Variants in VKORC1L1 observed in about 807,000 individuals in gnomAD.
The protein encoded by VKORC1L1 is vitamin K epoxide reductase complex subunit 1-like protein 1.
VKORC1L1 carries 2 observed loss-of-function variants against 18.9 expected under a neutral mutation model. The observed-to-expected ratio is 0.11, with a 90% CI of 0.04 to 0.33. VKORC1L1 has a LOEUF of 0.33. Ranked by LOEUF, VKORC1L1 falls within the 10% of genes least tolerant of loss-of-function variation. The probability of loss-of-function intolerance (pLI) is 1.00; values close to 1 mark genes in which losing one functional copy is unlikely to be tolerated. For synonymous variants in VKORC1L1, 96 were observed against 100.0 expected, an observed-to-expected ratio of 0.96 and a Z score of 0.24; for missense variants, 123 against 224.1, an observed-to-expected ratio of 0.55 and a Z score of 2.88.
intron 1 of VKORC1L1, among the ~76,000 whole-genome samples, chr7:65,893,402 G>A (rs1005398032): frequency 4.6e-5 from 7 of 152,104 alleles, no homozygotes; most frequent in African/African-American, 1.7e-4. Flanking sequence ...TTAGCTGGAT[G>A]TGATAGCACA....
rs1788758391 is a variant in VKORC1L1, at chr7:65,873,269, C to CGGCGGAGGCGGCGGT, written c.-97_-83dup. 5 of 985,876 alleles carry CGGCGGAGGCGGCGGT rather than the reference C, an allele frequency of 5.1e-6. No homozygotes were observed. The highest frequency in any genetic ancestry group is 6.3e-5 in the Admixed American group (1 of 15,874). The allele number at this position is 985,876 out of a possible 1,614,324, so 61.1% of individuals were successfully genotyped here. Reference sequence around the variant, plus strand: ...GCGGCGGCGGCGGTGGTGGCGGCGGCGGCGGAGGCGGCGGTGGCGGCGGTG... The same window carrying CGGCGGAGGCGGCGGT: ...GCGGCGGCGGCGGTGGTGGCGGCGGCGGCGGAGGCGGCGGTGGCGGAGGCGGCGGTGGCGGCGGTG... On this transcript the variant is annotated 5_prime_UTR_variant, in exon 1 of 3. Transcript: ENST00000360768.
chr7:65,901,308 A>G (rs1047084811), intron 1 of VKORC1L1, among the ~76,000 whole-genome samples: 4 of 152,238 alleles, frequency 2.6e-5, no homozygotes, highest in Admixed American at 2.0e-4. Context: ...GCTGCAGTGA[A>G]TTATGAGCCA....
chr7:65,932,462 T>C (rs1469247164), intron 1 of VKORC1L1, among the ~76,000 whole-genome samples: 1 of 152,176 alleles, frequency 6.6e-6, no homozygotes, highest in Admixed American at 6.6e-5. Context: ...CTTTCTAATA[T>C]AAGCATTTTA....
chr7:65,904,729 T>C (rs1212136123), intron 1 of VKORC1L1, among the ~76,000 whole-genome samples: 1 of 152,114 alleles, frequency 6.6e-6, no homozygotes, highest in African/African-American at 2.4e-5. Flanking sequence ...ATGGGATGAA[T>C]AGAAAAAGAC....
chr7:65,944,026 C>T (rs1393180950), intron 1 of VKORC1L1, among the ~76,000 whole-genome samples: 1 of 152,128 alleles, frequency 6.6e-6, no homozygotes, highest in Non-Finnish European at 1.5e-5. Flanking sequence ...TGCCTGTAAT[C>T]CCAGCACTTT....
upstream of VKORC1L1, among the ~76,000 whole-genome samples, chr7:65,869,640 C>CTTTTTTT (rs1226951533): frequency 1.3e-5 from 1 of 77,284 alleles, no homozygotes; most frequent in Non-Finnish European, 2.4e-5. Context: ...CGATTTCATT[C>CTTTTTTT]TTTTTTTTTT....
chr7:65,951,626 A>G (rs1419891058), intron 2 of VKORC1L1, among the ~76,000 whole-genome samples: 2 of 151,708 alleles, frequency 1.3e-5, no homozygotes, highest in Admixed American at 6.6e-5. Flanking sequence ...ACAAAGAAAA[A>G]TCTATCCCAC....
intron 1 of VKORC1L1, among the ~76,000 whole-genome samples, chr7:65,928,945 G>C (rs1212403084): frequency 6.6e-6 from 1 of 152,080 alleles, no homozygotes; most frequent in Non-Finnish European, 1.5e-5. Flanking sequence ...GGTGTGTAGT[G>C]GTGTATCATT....
At chr7:65,930,002 G>C (rs76998368) in intron 1 of VKORC1L1, among the ~76,000 whole-genome samples, 1 of 151,904 alleles carries the variant, frequency 6.6e-6, no homozygotes, top group Non-Finnish European at 1.5e-5. Flanking sequence ...CACGTATTTT[G>C]TTAGATATGT....
intron 2 of VKORC1L1, among the ~76,000 whole-genome samples, chr7:65,951,345 A>G (rs1394267883): frequency 6.6e-6 from 1 of 152,114 alleles, no homozygotes. Flanking sequence ...GGAGGCCAAG[A>G]TGGGTGGATC....
intron 1 of VKORC1L1, among the ~76,000 whole-genome samples, chr7:65,915,414 C>CTT (rs77683293): frequency 1.1e-4 from 14 of 132,718 alleles, no homozygotes; most frequent in Non-Finnish European, 2.3e-4. Flanking sequence ...TTTCTGAACT[C>CTT]TTTTTTTTTT....
chr7:65,925,630 G>GAGGTT (rs1318506413), intron 1 of VKORC1L1, among the ~76,000 whole-genome samples: 1 of 152,180 alleles, frequency 6.6e-6, no homozygotes, highest in Admixed American at 6.5e-5. Flanking sequence ...TAAGGGCTTT[G>GAGGTT]AGGTTCTCTA....
At chr7:65,906,164 G>A (rs561930921) in intron 1 of VKORC1L1, among the ~76,000 whole-genome samples, 2 of 151,770 alleles carry the variant, frequency 1.3e-5, no homozygotes, top group African/African-American at 2.4e-5. Context: ...GCCAGGCACG[G>A]TGGCTCATGC....
At chr7:65,887,934 C>G (rs1410280327) in intron 1 of VKORC1L1, among the ~76,000 whole-genome samples, 1 of 152,130 alleles carries the variant, frequency 6.6e-6, no homozygotes, top group Admixed American at 6.6e-5. Context: ...GACTTTATCA[C>G]TTAGTGATAG....
chr7:65,932,855 G>A (rs1347258556), intron 1 of VKORC1L1, among the ~76,000 whole-genome samples: 1 of 152,086 alleles, frequency 6.6e-6, no homozygotes, highest in Non-Finnish European at 1.5e-5. Flanking sequence ...CAAGGCGGGT[G>A]GATCACGAGG....
At chr7:65,904,874 TC>T (rs1478340703) in intron 1 of VKORC1L1, among the ~76,000 whole-genome samples, 20 of 152,304 alleles carry the variant, frequency 1.3e-4, no homozygotes, top group South Asian at 1.2e-3. Context: ...TGTACTTCTT[TC>T]CAGTTGATTT....
chr7:65,885,093 T>A (rs1644869789), intron 1 of VKORC1L1, among the ~76,000 whole-genome samples: 1 of 152,206 alleles, frequency 6.6e-6, no homozygotes, highest in African/African-American at 2.4e-5. Flanking sequence ...ATTTGTTAGT[T>A]CTGAAAAACA....
intron 1 of VKORC1L1, among the ~76,000 whole-genome samples, chr7:65,919,174 T>C (rs1000086656): frequency 3.9e-5 from 6 of 152,182 alleles, no homozygotes; most frequent in South Asian, 2.1e-4. Context: ...GTCCCCATAG[T>C]CCTACACTAC....
chr7:65,942,628 C>T (rs542876486), intron 1 of VKORC1L1, among the ~76,000 whole-genome samples: 3 of 151,786 alleles, frequency 2.0e-5, no homozygotes, highest in East Asian at 3.9e-4. Flanking sequence ...TGGGTTCAAG[C>T]GATTTTTCTG....
Sources: allele counts gnomAD v4.1 joint callset (sites outside exome capture counted in the v4.1 genomes callset), GRCh38; gene constraint gnomAD v4.1.1; transcripts MANE v1.5; gene names NCBI Gene and HGNC (gene_info 2026-07-23, HGNC 2026-07-21).